The following ARSB variants were observed in gnomAD, a reference collection of about 807,000 sequenced individuals.
ARSB encodes the protein N-acetylgalactosamine-4-sulfatase.
A neutral mutation model predicts 50.9 loss-of-function variants in ARSB; 41 were observed. That is an observed-to-expected ratio of 0.81 (90% CI 0.63 to 1.04). ARSB has a LOEUF of 1.04. Ranked by LOEUF, ARSB falls within the 50% of genes least tolerant of loss-of-function variation. ARSB has a pLI of 0.00. For missense variants in ARSB, 672 were observed against 693.3 expected, an observed-to-expected ratio of 0.97 and a Z score of 0.35; for synonymous variants, 269 against 284.8, an observed-to-expected ratio of 0.94 and a Z score of 0.56.
At chr5:78,957,558 C>T (rs570424121) in intron 3 of ARSB, among the ~76,000 whole-genome samples, 4 of 152,226 alleles carry the variant, frequency 2.6e-5, no homozygotes, top group African/African-American at 9.6e-5. Context: ...ATGTAGAACC[C>T]GTACTTCCAT....
At chr5:78,837,643 AT>A (rs1296876144) in intron 6 of ARSB, among the ~76,000 whole-genome samples, 7 of 152,246 alleles carry the variant, frequency 4.6e-5, no homozygotes, top group Non-Finnish European at 8.8e-5. Context: ...ATTTAATTCA[AT>A]ATATCCAAAG....
chr5:78,880,130 C>T (rs974900127), intron 5 of ARSB, among the ~76,000 whole-genome samples: 4 of 152,138 alleles, frequency 2.6e-5, no homozygotes, highest in South Asian at 4.1e-4. Flanking sequence ...GCTAGGAGAA[C>T]GTGCTAACAC....
chr5:78,838,888 C>A (rs1219379116), intron 6 of ARSB, among the ~76,000 whole-genome samples: 3 of 152,180 alleles, frequency 2.0e-5, no homozygotes, highest in Admixed American at 2.0e-4. Context: ...ACTTGTGACA[C>A]CCAGCAGGTG....
At chr5:78,982,831 G>C (rs995271418) in intron 1 of ARSB, among the ~76,000 whole-genome samples, 1 of 152,132 alleles carries the variant, frequency 6.6e-6, no homozygotes, top group African/African-American at 2.4e-5. Context: ...AAGTGGGTGA[G>C]AAAACTGGAG....
At chr5:78,860,842 C>A (rs1183002033) in intron 5 of ARSB, among the ~76,000 whole-genome samples, 2 of 151,876 alleles carry the variant, frequency 1.3e-5, no homozygotes, top group African/African-American at 2.4e-5. Context: ...CTGAAAAGAT[C>A]AACAAAATTG....
intron 6 of ARSB, among the ~76,000 whole-genome samples, chr5:78,822,857 C>T (rs893071905): frequency 1.4e-4 from 21 of 152,112 alleles, no homozygotes; most frequent in South Asian, 4.1e-4. Context: ...AGGATGGTCT[C>T]GATCTCTTGA....
At chr5:78,824,178 C>T (rs910719773) in intron 6 of ARSB, among the ~76,000 whole-genome samples, 1 of 152,226 alleles carries the variant, frequency 6.6e-6, no homozygotes. Flanking sequence ...CATGCTTGTA[C>T]AGCCTGCAGA....
chr5:78,813,929 C>T (rs1207126878), intron 6 of ARSB, among the ~76,000 whole-genome samples: 4 of 152,034 alleles, frequency 2.6e-5, no homozygotes, highest in Non-Finnish European at 2.9e-5. Context: ...TTCTAATATA[C>T]AAAATTGTTT....
rs1007964247 is a variant in ARSB at position 78,969,000 on chromosome 5, C to T, written c.499+6G>A. The T allele has an allele frequency of 8.7e-6, 14 of 1,613,978 alleles. No homozygotes were observed. The highest frequency in any genetic ancestry group is 1.6e-4 in the Middle Eastern group (1 of 6,080). ...GTTGTTAAAGAAACATGTGCATTTC[C>T]ATTACCAAAGTAGGTATCAAATCCT... On this transcript the variant is annotated splice_donor_region_variant and intron_variant, in intron 2 of 7. Coordinates refer to ENST00000264914, the MANE Select transcript of ARSB (RefSeq NM_000046.5).
intron 4 of ARSB, among the ~76,000 whole-genome samples, chr5:78,927,740 C>T (rs912964045): frequency 6.6e-6 from 1 of 152,160 alleles, no homozygotes; most frequent in Non-Finnish European, 1.5e-5. Flanking sequence ...AGCTTTGAAC[C>T]AGAGGAGTTT....
intron 1 of ARSB, among the ~76,000 whole-genome samples, chr5:78,983,734 A>G (rs1191794526): frequency 6.6e-6 from 1 of 152,166 alleles, no homozygotes; most frequent in Admixed American, 6.5e-5. Flanking sequence ...TCTTTATAAA[A>G]GCCTTCAGAC....
intron 6 of ARSB, among the ~76,000 whole-genome samples, chr5:78,792,187 G>A (rs12109507): frequency 2.0e-5 from 3 of 151,880 alleles, no homozygotes; most frequent in Admixed American, 6.6e-5. Context: ...GAGACCAGCC[G>A]GGCCACTGTG....
intron 6 of ARSB, among the ~76,000 whole-genome samples, chr5:78,801,722 T>A (rs145424953): frequency 6.6e-6 from 1 of 152,204 alleles, no homozygotes; most frequent in East Asian, 1.9e-4. Flanking sequence ...GAGCACCACT[T>A]CCAGGCAGGC....
intron 1 of ARSB, among the ~76,000 whole-genome samples, chr5:78,977,274 C>T (rs976778987): frequency 6.6e-6 from 1 of 151,930 alleles, no homozygotes; most frequent in African/African-American, 2.4e-5. Flanking sequence ...CCGCCTCAGC[C>T]TCATGAGTAG....
At chr5:78,947,104 C>T (rs1198049401) in intron 4 of ARSB, among the ~76,000 whole-genome samples, 8 of 152,164 alleles carry the variant, frequency 5.3e-5, no homozygotes, top group Non-Finnish European at 1.5e-5. Flanking sequence ...AGACCCCTAT[C>T]TCTCACCATA....
intron 6 of ARSB, among the ~76,000 whole-genome samples, chr5:78,800,073 T>C (rs147394747): frequency 7.2e-5 from 11 of 152,166 alleles, no homozygotes; most frequent in Middle Eastern, 3.4e-3. Flanking sequence ...ATCCCGGCAC[T>C]TTGGGAGGCC....
chr5:78,879,714 A>T (rs1325536668), intron 5 of ARSB, among the ~76,000 whole-genome samples: 2 of 152,230 alleles, frequency 1.3e-5, no homozygotes, highest in Non-Finnish European at 2.9e-5. Context: ...GAAAAGACAC[A>T]ACAGACGTCA....
intron 6 of ARSB, chr5:78,815,920 T>A: frequency 1.3e-6 from 2 of 1,503,536 alleles, no homozygotes; most frequent in Non-Finnish European, 1.8e-6. Context: ...GGGCCCCTTC[T>A]TTCTTGGAGA....
rs527652726 is a variant in ARSB, at chr5:78,889,984, C to G, written c.899-4157G>C. Reference sequence around the variant, plus strand: ...CCAAGCCTGGACATCTCTTTGAACACGGCCCTGATGCAAGGGTGACTAACA... The same window carrying G: ...CCAAGCCTGGACATCTCTTTGAACAGGGCCCTGATGCAAGGGTGACTAACA... On this transcript the variant is annotated intron_variant, in intron 4 of 7. Transcript: ENST00000264914. 1.0e-3 allele frequency among the ~76,000 whole-genome samples: 155 copies of G among 152,282 alleles called. 1 individual carries two copies. In the Middle Eastern group the frequency reaches 0.01, roughly 10 times the overall value.
Sources: gnomAD v4.1 joint callset for allele counts (sites outside exome capture counted in the v4.1 genomes callset) on GRCh38, gnomAD v4.1.1 for gene constraint, MANE v1.5 for transcripts, NCBI Gene and HGNC (gene_info 2026-07-23, HGNC 2026-07-21) for gene names.